The following DNAH9 variants were observed in gnomAD, a reference collection of about 807,000 sequenced individuals.
DNAH9 encodes dynein axonemal heavy chain 9.
In DNAH9, 345 loss-of-function variants were observed where a neutral mutation model predicts 471.6. That is an observed-to-expected ratio of 0.73 (90% CI 0.67 to 0.80). The LOEUF (loss-of-function observed/expected upper bound fraction) is 0.80, where lower values mean the gene tolerates loss of function less well. Ranked by LOEUF, DNAH9 falls within the 30% of genes least tolerant of loss-of-function variation. The probability of loss-of-function intolerance (pLI) is 0.00; values close to 1 mark genes in which losing one functional copy is unlikely to be tolerated. For missense variants in DNAH9, 5,407 were observed against 5,609.2 expected, an observed-to-expected ratio of 0.96 and a Z score of 1.15; for synonymous variants, 2,093 against 2,123.6, an observed-to-expected ratio of 0.99 and a Z score of 0.40.
chr17:11,760,014 G>T (rs1325111855), intron 35 of DNAH9, among the ~76,000 whole-genome samples: 1 of 152,166 alleles, frequency 6.6e-6, no homozygotes, highest in East Asian at 1.9e-4. Context: ...TAGAGACAGG[G>T]TTTTGCCATG....
chr17:11,628,724 C>T (rs920012268), intron 6 of DNAH9, among the ~76,000 whole-genome samples: 7 of 152,196 alleles, frequency 4.6e-5, no homozygotes, highest in Admixed American at 2.6e-4. Context: ...AACTGGATAA[C>T]ATGATCCATT....
At chr17:11,913,484 T>C (rs1255427687) in intron 61 of DNAH9, among the ~76,000 whole-genome samples, 1 of 151,972 alleles carries the variant, frequency 6.6e-6, no homozygotes, top group Non-Finnish European at 1.5e-5. Context: ...TAAATGCTAT[T>C]AGAAAAACAA....
At position 11,907,747 on chromosome 17, in the gene DNAH9, T is replaced by C. The variant is rs138186068; in HGVS notation, c.11749+1938T>C. On this transcript the variant is annotated intron_variant, in intron 61 of 68. Coordinates refer to ENST00000262442, the MANE Select transcript of DNAH9 (RefSeq NM_001372.4). Reference sequence around the variant, plus strand: ...TAGGCCCTAAAGAACGAATAAGATGTGCATAATAAAATCAGTAATAGAGAA... The same window carrying C: ...TAGGCCCTAAAGAACGAATAAGATGCGCATAATAAAATCAGTAATAGAGAA... 2.4e-3 allele frequency among the ~76,000 whole-genome samples: 367 copies of C among 152,232 alleles called. 2 individuals carry two copies. Among genetic ancestry groups the C allele is most frequent in the African/African-American group, 8.5e-3 (354 of 41,530 alleles).
At chr17:11,959,171 G>T (rs1371141946) in intron 67 of DNAH9, among the ~76,000 whole-genome samples, 2 of 152,032 alleles carry the variant, frequency 1.3e-5, no homozygotes, top group Non-Finnish European at 2.9e-5. Flanking sequence ...AATTGTGAGG[G>T]ACTGCCTGCT....
intron 20 of DNAH9, among the ~76,000 whole-genome samples, chr17:11,692,425 A>G (rs143256089): frequency 2.4e-4 from 37 of 152,342 alleles, no homozygotes; most frequent in African/African-American, 7.0e-4. Context: ...AATCATTTCA[A>G]TGATACTGTG....
chr17:11,957,495 C>G (rs1975706636), intron 67 of DNAH9, among the ~76,000 whole-genome samples: 1 of 151,170 alleles, frequency 6.6e-6, no homozygotes, highest in Non-Finnish European at 1.5e-5. Flanking sequence ...ATCTATGAAC[C>G]TCAGGACCCA....
chr17:11,875,208 C>T (rs1378933842), intron 53 of DNAH9, 24 bp downstream of exon 53: 1 of 1,590,368 alleles, frequency 6.3e-7, no homozygotes, highest in Non-Finnish European at 8.6e-7. Flanking sequence ...CACAGAAGTT[C>T]CCACTTTAGC....
At chr17:11,783,809 GA>G in intron 40 of DNAH9, 61 bp downstream of exon 40, 1 of 1,376,380 alleles carries the variant, frequency 7.3e-7, no homozygotes, top group Non-Finnish European at 1.0e-6. Context: ...GATGCCCCTT[GA>G]TTATAAGTAT....
chr17:11,766,844 C>T (rs916255768), intron 36 of DNAH9, among the ~76,000 whole-genome samples: 1 of 152,034 alleles, frequency 6.6e-6, no homozygotes, highest in African/African-American at 2.4e-5. Context: ...GTGGCGGGTG[C>T]CTGTAATCCC....
chr17:11,923,436 C>T (rs1049191517), intron 61 of DNAH9, among the ~76,000 whole-genome samples: 4 of 152,006 alleles, frequency 2.6e-5, no homozygotes, highest in African/African-American at 2.4e-5. Context: ...CTCAGCCTCC[C>T]GAGTAGCTGG....
intron 60 of DNAH9, 26 bp downstream of exon 60, chr17:11,902,938 C>T: frequency 6.2e-7 from 1 of 1,604,184 alleles, no homozygotes; most frequent in Non-Finnish European, 8.5e-7. Context: ...GTGGAAGGCC[C>T]AGCATAGGCA....
intron 45 of DNAH9, among the ~76,000 whole-genome samples, chr17:11,821,529 G>A (rs1402383083): frequency 6.6e-6 from 1 of 151,802 alleles, no homozygotes; most frequent in African/African-American, 2.4e-5. Context: ...TTTTTGCCGG[G>A]GGTCTTTTAG....
intron 28 of DNAH9, among the ~76,000 whole-genome samples, chr17:11,731,619 AAT>A (rs1389871855): frequency 7.4e-6 from 1 of 135,780 alleles, no homozygotes; most frequent in Non-Finnish European, 1.5e-5. Context: ...CTCTTTGTTC[AAT>A]TCCCACCTAT....
intron 17 of DNAH9, among the ~76,000 whole-genome samples, chr17:11,670,378 T>C (rs980840946): frequency 6.6e-6 from 1 of 152,116 alleles, no homozygotes. Flanking sequence ...AGTCCCCCGG[T>C]CACTTTACCT....
intron 48 of DNAH9, among the ~76,000 whole-genome samples, chr17:11,829,575 G>A (rs1052417630): frequency 1.3e-5 from 2 of 152,138 alleles, no homozygotes; most frequent in Non-Finnish European, 2.9e-5. Context: ...AGGTTCAAAC[G>A]ATTCTCATGC....
intron 35 of DNAH9, among the ~76,000 whole-genome samples, chr17:11,757,978 A>C (rs1280968870): frequency 6.6e-6 from 1 of 152,174 alleles, no homozygotes; most frequent in East Asian, 1.9e-4. Context: ...TTGTAGTATC[A>C]GATTACAATC....
At chr17:11,714,712 G>A (rs1279545688) in intron 26 of DNAH9, among the ~76,000 whole-genome samples, 1 of 152,168 alleles carries the variant, frequency 6.6e-6, no homozygotes, top group Non-Finnish European at 1.5e-5. Context: ...TGGCTCCCCA[G>A]CCAGCAGAAG....
chr17:11,609,518 A>G (rs954131377), intron 2 of DNAH9, among the ~76,000 whole-genome samples: 3 of 152,148 alleles, frequency 2.0e-5, no homozygotes, highest in African/African-American at 7.2e-5. Context: ...TTCCTTTAAT[A>G]TCTTCCACAA....
intron 17 of DNAH9, among the ~76,000 whole-genome samples, chr17:11,670,155 C>G (rs528546384): frequency 1.3e-5 from 2 of 152,198 alleles, no homozygotes; most frequent in African/African-American, 4.8e-5. Flanking sequence ...TGTTTTACTT[C>G]TACCTCTTAT....
Sources: allele counts gnomAD v4.1 joint callset (sites outside exome capture counted in the v4.1 genomes callset), GRCh38; gene constraint gnomAD v4.1.1; transcripts MANE v1.5; gene names NCBI Gene and HGNC (gene_info 2026-07-23, HGNC 2026-07-21).